The following CLSPN variants were observed in gnomAD, a reference collection of about 807,000 sequenced individuals.
CLSPN encodes claspin homolog.
CLSPN carries 85 observed loss-of-function variants against 156.3 expected under a neutral mutation model. The ratio of observed to expected loss-of-function variants is 0.54; its 90% CI spans 0.46 to 0.65. CLSPN has a LOEUF of 0.65. Ranked by LOEUF, CLSPN falls within the 30% of genes least tolerant of loss-of-function variation. The probability of loss-of-function intolerance (pLI) is 0.00; values close to 1 mark genes in which losing one functional copy is unlikely to be tolerated. For missense variants in CLSPN, 1,407 were observed against 1,554.9 expected, an observed-to-expected ratio of 0.90 and a Z score of 1.60; for synonymous variants, 534 against 542.4, an observed-to-expected ratio of 0.98 and a Z score of 0.22.
At position 35,769,972 on chromosome 1, in the gene CLSPN, T is replaced by A; in HGVS notation, c.-102A>T. On this transcript the variant is annotated 5_prime_UTR_variant, in exon 1 of 25. In the 5' UTR this introduces an upstream ATG that the reference lacks. Transcript: ENST00000318121. ...CGTCTCCAGCCCAGCAGTGCTGTTC[T>A]TGCTTTCCCGCCCAGCCAGAGTGGA... 7.0e-7 allele frequency: 1 copy of A among 1,427,588 alleles called. No homozygotes were observed. Among genetic ancestry groups the A allele is most frequent in the Non-Finnish European group, 9.7e-7 (1 of 1,033,742 alleles). 88.4% of individuals were successfully genotyped at this position (1,427,588 alleles called of 1,614,324 possible).
intron 8 of CLSPN, among the ~76,000 whole-genome samples, chr1:35,756,778 G>A (rs1642285954): frequency 6.6e-6 from 1 of 152,106 alleles, no homozygotes; most frequent in Non-Finnish European, 1.5e-5. Context: ...TCTATATGAG[G>A]TAAAGAAACT....
At chr1:35,764,036 G>A (rs1433483964) in intron 3 of CLSPN, among the ~76,000 whole-genome samples, 1 of 152,068 alleles carries the variant, frequency 6.6e-6, no homozygotes, top group African/African-American at 2.4e-5. Context: ...CTGGGCTTAA[G>A]TGACCCTCTG....
chr1:35,722,311 G>A (rs1314023025), intron 24 of CLSPN, among the ~76,000 whole-genome samples: 2 of 140,244 alleles, frequency 1.4e-5, no homozygotes, highest in Non-Finnish European at 3.0e-5. Context: ...CTAGAGTGCA[G>A]TGGCATAGTC....
At chr1:35,732,042 T>C (rs1483960819), downstream of CLSPN, 1 of 535,532 alleles carries the variant, frequency 1.9e-6, no homozygotes, top group East Asian at 1.5e-4. Flanking sequence ...ACATACATTT[T>C]CCAACTGAAG....
At chr1:35,739,644 A>G (rs981269628) in intron 18 of CLSPN, 115 bp from the exon 19 acceptor site, 2 of 717,028 alleles carry the variant, frequency 2.8e-6, no homozygotes, top group Non-Finnish European at 2.1e-6. Context: ...AATACATTTG[A>G]TAATATTTAA....
At chr1:35,752,582 G>GAAAAAAAA (rs58271996) in intron 9 of CLSPN, among the ~76,000 whole-genome samples, 2 of 67,878 alleles carry the variant, frequency 2.9e-5, no homozygotes, top group Admixed American at 1.8e-4. Context: ...TGTCTTAGAG[G>GAAAAAAAA]AAAAAAAAAA....
chr1:35,759,520 G>A lies in CLSPN; in HGVS notation c.1579+822C>T, dbSNP rs192936926. On this transcript the variant is annotated intron_variant, in intron 8 of 24. Coordinates refer to ENST00000318121, the MANE Select transcript of CLSPN (RefSeq NM_022111.4). The stretch of plus-strand genomic sequence containing the variant: ...TCTTATCTCGCCCATTAGAGTAAAA[G>A]CATCTTAAGTATACCTTAAATGTCA... Among the ~76,000 whole-genome samples the A allele has an allele frequency of 3.0e-4, 45 of 152,152 alleles. No individual in the cohort carries two copies. In the East Asian group the frequency reaches 7.3e-3, roughly 25 times the overall value.
intron 4 of CLSPN, among the ~76,000 whole-genome samples, chr1:35,762,936 T>C (rs1571221204): frequency 6.6e-6 from 1 of 152,114 alleles, no homozygotes; most frequent in East Asian, 1.9e-4. Flanking sequence ...GTTTTTTTTT[T>C]CAGCATTCCT....
At position 35,732,630 on chromosome 1, in the gene CLSPN, C is replaced by T; in HGVS notation, c.*3866G>A. 1 of 985,462 alleles carries T rather than the reference C, an allele frequency of 1.0e-6. No individual in the cohort carries two copies. Among genetic ancestry groups the T allele is most frequent in the Non-Finnish European group, 1.2e-6 (1 of 829,942 alleles). The allele number at this position is 985,462 out of a possible 1,614,324, so 61.0% of individuals were successfully genotyped here. ...CAAGGAAGAAACAAAAACACTGACA[C>T]TGAGCCTACCCTATCTCCCACACTC... On this transcript the variant is annotated 3_prime_UTR_variant, in exon 25 of 25. Transcript: ENST00000318121.
intron 18 of CLSPN, 77 bp from the exon 19 acceptor site, chr1:35,739,606 CAG>C (rs1475690265): frequency 1.1e-5 from 12 of 1,071,038 alleles, no homozygotes; most frequent in Admixed American, 7.0e-5. Flanking sequence ...AAAAGCAGAA[CAG>C]AGTCACTTCT....
chr1:35,736,111 G>A lies in CLSPN; in HGVS notation c.*385C>T, dbSNP rs764709815. 1.4e-4 allele frequency: 81 copies of A among 567,620 alleles called. 1 individual carries two copies. The highest frequency in any genetic ancestry group is 1.7e-4 in the Non-Finnish European group (77 of 448,850). The allele number at this position is 567,620 out of a possible 1,614,324, so 35.2% of individuals were successfully genotyped here. A position where few individuals can be genotyped will look rare whatever the true frequency, so the allele number is the denominator to read the frequency against. On this transcript the variant is annotated 3_prime_UTR_variant, in exon 25 of 25. Transcript: ENST00000318121. Reference sequence around the variant, plus strand: ...CACATGCCTGTAATCCCAGCTACTCGGGAGGCTGAAGGAGGAGAATCGCTT... The same window carrying A: ...CACATGCCTGTAATCCCAGCTACTCAGGAGGCTGAAGGAGGAGAATCGCTT...
At chr1:35,769,371 C>A (rs949403210) in intron 1 of CLSPN, among the ~76,000 whole-genome samples, 2 of 152,098 alleles carry the variant, frequency 1.3e-5, no homozygotes, top group Non-Finnish European at 2.9e-5. Flanking sequence ...AAAGGGCCTG[C>A]GCGCGATGAC....
Position 35,746,913 on chromosome 1 carries a change from C to A in CLSPN, c.2707G>T (p.Ala903Ser). 6.2e-7 allele frequency: 1 copy of A among 1,614,124 alleles called. No individual in the cohort carries two copies. The highest frequency in any genetic ancestry group is 8.5e-7 in the Non-Finnish European group (1 of 1,179,974). Reference protein sequence around the residue: ...RLPLASMDENAMDANMDELLD... With the variant: ...RLPLASMDENSMDANMDELLD... ...AGCTCATCCATGTTGGCATCCATGG[C>A]ATTCTCATCCATACTGGCCAATGGC... Residue 903 changes from alanine (A) to serine (S), a missense_variant, in exon 15 of 25, where the codon GCC becomes TCC. Transcript: ENST00000318121. This position sits in a 1 kb window ranked among gnomAD's most constrained non-coding sequence, Gnocchi z 4.2.
downstream of CLSPN, among the ~76,000 whole-genome samples, chr1:35,731,409 C>G (rs7520495): frequency 0.29 from 44,291 of 151,860 alleles, 9,786 homozygotes; most frequent in African/African-American, 0.6. Flanking sequence ...GAGTAGACAG[C>G]AGGTTGGGAG....
chr1:35,731,972 T>C (rs1641328116), downstream of CLSPN: 1 of 168,778 alleles, frequency 5.9e-6, no homozygotes, highest in Non-Finnish European at 1.2e-5. Context: ...GAATTTCTTT[T>C]TTCTGGGAGC....
chr1:35,721,944 G>A (rs1641081865), intron 24 of CLSPN, among the ~76,000 whole-genome samples: 1 of 151,758 alleles, frequency 6.6e-6, no homozygotes, highest in Non-Finnish European at 1.5e-5. Flanking sequence ...TTCGAGACAA[G>A]CTTGGCCAAC....
chr1:35,767,761 G>T (rs1233645360), intron 1 of CLSPN, among the ~76,000 whole-genome samples: 1 of 152,146 alleles, frequency 6.6e-6, no homozygotes, highest in Non-Finnish European at 1.5e-5. Flanking sequence ...AACGCTTCTG[G>T]TCCCAAGCAT....
chr1:35,768,351 G>C (rs1049491052), intron 1 of CLSPN, among the ~76,000 whole-genome samples: 1 of 147,300 alleles, frequency 6.8e-6, no homozygotes, highest in Non-Finnish European at 1.5e-5. Context: ...CTGGGCAACA[G>C]AGCGAGACTC....
At chr1:35,762,592 C>T (rs746665774) in intron 4 of CLSPN, 111 bp from the exon 5 acceptor site, 7 of 732,758 alleles carry the variant, frequency 9.6e-6, no homozygotes, top group African/African-American at 1.8e-5. Flanking sequence ...ATTAATAAAT[C>T]AATAATCATC....
Sources: gnomAD v4.1 joint callset for allele counts (sites outside exome capture counted in the v4.1 genomes callset) on GRCh38, gnomAD v4.1.1 for gene constraint, Gnocchi (gnomAD v3.1) non-coding constraint, MANE v1.5 for transcripts, NCBI Gene and HGNC (gene_info 2026-07-23, HGNC 2026-07-21) for gene names.